Variants in NAALADL2 observed in about 807,000 individuals in gnomAD.
The protein encoded by NAALADL2 is N-acetylated alpha-linked acidic dipeptidase like 2.
A neutral mutation model predicts 87.2 loss-of-function variants in NAALADL2; 76 were observed. The observed-to-expected ratio is 0.87, with a 90% CI of 0.72 to 1.05. The LOEUF (loss-of-function observed/expected upper bound fraction) is 1.05, where lower values mean the gene tolerates loss of function less well. Among genes scored for constraint, NAALADL2 ranks in the 50% least tolerant of loss-of-function variants. The pLI is 0.00. For synonymous variants in NAALADL2, 354 were observed against 331.0 expected (o/e 1.07, Z -0.75); for missense variants, 1,089 against 945.8 (o/e 1.15, Z -1.99).
At chr3:174,855,984 A>G (rs907863725), upstream of NAALADL2, among the ~76,000 whole-genome samples, 5,348 of 52,384 alleles carry the variant, frequency 0.1, 337 homozygotes, top group African/African-American at 0.29. Flanking sequence ...GTGTGTGTAT[A>G]TATATATATA....
At chr3:174,975,056 T>C (rs1385654849) in intron 1 of NAALADL2, among the ~76,000 whole-genome samples, 1 of 152,174 alleles carries the variant, frequency 6.6e-6, no homozygotes, top group Non-Finnish European at 1.5e-5. Context: ...TGCCAGTTTC[T>C]TTCAGAGCTG....
chr3:175,454,199 G>C (rs910845485), intron 6 of NAALADL2, among the ~76,000 whole-genome samples: 1 of 151,866 alleles, frequency 6.6e-6, no homozygotes. Flanking sequence ...TAGGCTTATA[G>C]TTTTCATCTT....
At chr3:175,374,047 A>G (rs1766816492) in intron 5 of NAALADL2, among the ~76,000 whole-genome samples, 1 of 152,066 alleles carries the variant, frequency 6.6e-6, no homozygotes, top group Non-Finnish European at 1.5e-5. Flanking sequence ...GATGCAAGCC[A>G]TTTGTCAGAT....
intron 2 of NAALADL2, among the ~76,000 whole-genome samples, chr3:174,710,549 C>T (rs1159579063): frequency 5.9e-5 from 9 of 152,100 alleles, no homozygotes; most frequent in African/African-American, 1.9e-4. Flanking sequence ...CCACCGCCTC[C>T]GACCCTCATA....
chr3:175,763,595 C>A (rs1748318002), intron 13 of NAALADL2, among the ~76,000 whole-genome samples: 1 of 152,118 alleles, frequency 6.6e-6, no homozygotes, highest in Non-Finnish European at 1.5e-5. Flanking sequence ...TGATTTTAAT[C>A]TTTTAGTATA....
intron 4 of NAALADL2, among the ~76,000 whole-genome samples, chr3:175,308,414 A>G (rs187709202): frequency 1.3e-5 from 2 of 152,282 alleles, no homozygotes; most frequent in Admixed American, 1.3e-4. Flanking sequence ...GTACCAAAGC[A>G]ATGGAAAGGA....
At chr3:175,222,664 T>A (rs187577248) in intron 2 of NAALADL2, among the ~76,000 whole-genome samples, 23 of 152,272 alleles carry the variant, frequency 1.5e-4, no homozygotes, top group African/African-American at 5.3e-4. Flanking sequence ...CTTTACATGC[T>A]TACATACTAT....
At chr3:175,213,720 A>G (rs1475146828) in intron 2 of NAALADL2, among the ~76,000 whole-genome samples, 1 of 152,170 alleles carries the variant, frequency 6.6e-6, no homozygotes, top group Non-Finnish European at 1.5e-5. Context: ...ACCCATTAAT[A>G]TATGTACTGT....
intron 2 of NAALADL2, among the ~76,000 whole-genome samples, chr3:175,161,679 C>G (rs1733244298): frequency 7.8e-6 from 1 of 127,460 alleles, no homozygotes; most frequent in South Asian, 2.7e-4. Flanking sequence ...AACAAATGTG[C>G]ATCATATAGC....
At chr3:175,504,571 C>G (rs1655747796) in intron 9 of NAALADL2, among the ~76,000 whole-genome samples, 1 of 3,830 alleles carries the variant, frequency 2.6e-4, no homozygotes, top group East Asian at 0.036. Flanking sequence ...CTGTTTCTCT[C>G]TCTCTCTCTC....
chr3:175,411,343 A>G (rs768696608), intron 5 of NAALADL2, among the ~76,000 whole-genome samples: 27 of 152,174 alleles, frequency 1.8e-4, no homozygotes, highest in Non-Finnish European at 2.6e-4. Flanking sequence ...ATACCTGCAA[A>G]AATTCAGGAA....
chr3:174,573,928 A>G (rs556566216), intron 2 of NAALADL2, among the ~76,000 whole-genome samples: 2 of 152,322 alleles, frequency 1.3e-5, no homozygotes, highest in South Asian at 4.1e-4. Flanking sequence ...TCAAGCTACC[A>G]GTGTGACATC....
chr3:175,395,002 T>A (rs1404413608), intron 5 of NAALADL2, among the ~76,000 whole-genome samples: 1 of 152,270 alleles, frequency 6.6e-6, no homozygotes, highest in Non-Finnish European at 1.5e-5. Context: ...ATCTTTGGCA[T>A]GTCACAATTG....
chr3:175,729,877 G>A (rs556309330), intron 11 of NAALADL2, among the ~76,000 whole-genome samples: 22 of 150,706 alleles, frequency 1.5e-4, no homozygotes, highest in Non-Finnish European at 2.8e-4. Flanking sequence ...TTCATAGTAG[G>A]GCTCTATTGC....
intron 1 of NAALADL2, among the ~76,000 whole-genome samples, chr3:175,031,083 T>G (rs2108911784): frequency 6.6e-6 from 1 of 152,198 alleles, no homozygotes; most frequent in African/African-American, 2.4e-5. Context: ...TTAAATACAT[T>G]AGAACAAAAC....
chr3:175,191,210 A>G (rs1415272731), intron 2 of NAALADL2, among the ~76,000 whole-genome samples: 1 of 152,114 alleles, frequency 6.6e-6, no homozygotes, highest in African/African-American at 2.4e-5. Flanking sequence ...TTCACTCTTT[A>G]TATGTGTCCC....
rs74511459 is a variant in NAALADL2, at chr3:175,316,255, C to G, written c.940-7920C>G. 7.5e-3 allele frequency among the ~76,000 whole-genome samples: 1,134 copies of G among 152,176 alleles called. 14 individuals carry two copies. The highest frequency in any genetic ancestry group is 0.026 in the African/African-American group (1,090 of 41,512). On this transcript the variant is annotated intron_variant, in intron 4 of 13. Coordinates refer to ENST00000454872, the MANE Select transcript of NAALADL2 (RefSeq NM_207015.3). ...GTCAAAGAAAGGGAGGAAAATATTA[C>G]CCAGTTCAAGTAAAAGGAGTACAGC...
At chr3:174,619,379 T>G (rs1720782661) in intron 2 of NAALADL2, among the ~76,000 whole-genome samples, 1 of 151,944 alleles carries the variant, frequency 6.6e-6, no homozygotes, top group Non-Finnish European at 1.5e-5. Context: ...ATGCCAAGTT[T>G]TGTAAAACAT....
rs575761037 is a variant in NAALADL2, at chr3:174,894,149, C to G, written c.43+34699C>G. Among the ~76,000 whole-genome samples the G allele has an allele frequency of 1.7e-4, 26 of 152,130 alleles. No homozygotes were observed. The East Asian group carries it at 4.8e-3, about 28-fold the overall frequency. On this transcript the variant is annotated intron_variant, in intron 1 of 13. Transcript: ENST00000454872. ...AAGGGGTTAATTCAGCAAGATGATA[C>G]AACAATTTTAAATATATATATGCAC...
Sources: gnomAD v4.1 joint callset for allele counts (sites outside exome capture counted in the v4.1 genomes callset) on GRCh38, gnomAD v4.1.1 for gene constraint, MANE v1.5 for transcripts, NCBI Gene and HGNC (gene_info 2026-07-23, HGNC 2026-07-21) for gene names.